Variants in MIEN1 observed in about 807,000 individuals in gnomAD.
MIEN1 encodes migration and invasion enhancer 1.
A neutral mutation model predicts 15.5 loss-of-function variants in MIEN1; 12 were observed. The ratio of observed to expected loss-of-function variants is 0.78; its 90% CI spans 0.50 to 1.26. The LOEUF (loss-of-function observed/expected upper bound fraction) is 1.26. Ranked by LOEUF, MIEN1 falls within the 50% of genes most tolerant of loss-of-function variation. The probability of loss-of-function intolerance (pLI) is 0.00; values close to 1 mark genes in which losing one functional copy is unlikely to be tolerated. For missense variants in MIEN1, 160 were observed against 151.7 expected (o/e 1.05, Z -0.29); for synonymous variants, 63 against 62.8 (o/e 1.00, Z -0.02).
In MIEN1 at chr17:39,729,442, CAG is replaced by C; in HGVS notation, c.*78_*79del. On this transcript the variant is annotated 3_prime_UTR_variant, in exon 4 of 4. Transcript: ENST00000394231. ...TAAGGAGCTAAGTAGGGGAAAGAGG[CAG>C]GGGGAGCTCCCAGCAGGACCAAAGG... 6.3e-7 allele frequency: 1 copy of C among 1,575,872 alleles called. No individual in the cohort carries two copies. The highest frequency in any genetic ancestry group is 8.7e-7 in the Non-Finnish European group (1 of 1,152,268).
Position 39,729,764 on chromosome 17 carries a change from G to T in MIEN1, c.188-3C>A, listed in dbSNP as rs966697101. The T allele has an allele frequency of 6.2e-7, 1 of 1,613,990 alleles. No homozygotes were observed. Among genetic ancestry groups the T allele is most frequent in the African/African-American group, 1.3e-5 (1 of 74,908 alleles). Reference sequence around the variant, plus strand: ...ATTTATCTCTATCTCAAAGGCACCTGGTAAGAAATCAACAGATAAATGGTA... The same window carrying T: ...ATTTATCTCTATCTCAAAGGCACCTTGTAAGAAATCAACAGATAAATGGTA... On this transcript the variant is annotated splice_polypyrimidine_tract_variant and splice_region_variant and intron_variant, in intron 2 of 3. Transcript: ENST00000394231.
At chr17:39,730,371 G>T in intron 1 of MIEN1, 36 bp downstream of exon 1, 1 of 1,554,930 alleles carries the variant, frequency 6.4e-7, no homozygotes, top group Non-Finnish European at 8.7e-7. Flanking sequence ...CGGCCCGCGG[G>T]ACCAGGGTGC....
rs2059925188 is a variant in MIEN1 at position 39,729,843 on chromosome 17, C to G, written c.188-82G>C. The G allele has an allele frequency of 2.9e-5, 45 of 1,555,172 alleles. No individual in the cohort carries two copies. The South Asian group carries it at 4.1e-4, about 14-fold the overall frequency. On this transcript the variant is annotated intron_variant, in intron 2 of 3. Transcript: ENST00000394231. ...TTCCTCCAAAGGGGTCCCCCGCCTT[C>G]AAGTCCCCCATCAATCCCACTGGAG...
At position 39,728,749 on chromosome 17, in the gene MIEN1, T is replaced by C. The variant is rs1272093281; in HGVS notation, c.*773A>G. On this transcript the variant is annotated 3_prime_UTR_variant, in exon 4 of 4. Coordinates refer to ENST00000394231, the MANE Select transcript of MIEN1 (RefSeq NM_032339.5). Reference sequence around the variant, plus strand: ...TTCCTCTTTTCCTGGAGGGAGTGGCTGGGAATCTTCAGAAAGCTTGGATGA... The same window carrying C: ...TTCCTCTTTTCCTGGAGGGAGTGGCCGGGAATCTTCAGAAAGCTTGGATGA... 4.6e-6 allele frequency: 1 copy of C among 217,166 alleles called. No homozygotes were observed. The highest frequency in any genetic ancestry group is 9.3e-6 in the Non-Finnish European group (1 of 107,994). The allele number at this position is 217,166 out of a possible 1,614,324, so 13.5% of individuals were successfully genotyped here. A position where few individuals can be genotyped will look rare whatever the true frequency, so the allele number is the denominator to read the frequency against.
rs925638020 is a variant in MIEN1 at position 39,729,254 on chromosome 17, C to T, written c.*268G>A. On this transcript the variant is annotated 3_prime_UTR_variant, in exon 4 of 4. Transcript: ENST00000394231. The stretch of plus-strand genomic sequence containing the variant: ...TGGCATCAGACAGGTATTACCGAGG[C>T]GAAGAGTGGACTGGGCTTTCGTGGG... 12 of 529,822 alleles carry T rather than the reference C, an allele frequency of 2.3e-5. No individual in the cohort carries two copies. Among genetic ancestry groups the T allele is most frequent in the Admixed American group, 1.7e-4 (5 of 30,042 alleles). The allele number at this position is 529,822 out of a possible 1,614,324, so 32.8% of individuals were successfully genotyped here.
intron 2 of MIEN1, 40 bp from the exon 3 acceptor site, chr17:39,729,801 T>A: frequency 3.7e-6 from 6 of 1,613,178 alleles, no homozygotes; most frequent in Non-Finnish European, 5.1e-6. Flanking sequence ...ACTGAGAACA[T>A]AGGCAGAAGT....
chr17:39,730,420 C>A lies in MIEN1; in HGVS notation c.76G>T (p.Val26Leu), dbSNP rs777009259. The change falls in exon 1 of 4, where the codon GTG becomes TTG. Residue 26 changes from valine (V) to leucine (L), a missense_variant. By Grantham distance (32) the Val-to-Leu change is conservative. Transcript: ENST00000394231. ...EVEPGSGVRIVVEYCEPCGFE... is the reference protein window; with the variant it reads ...EVEPGSGVRILVEYCEPCGFE... ...GGGGCCGCTCACCAGTACTCCACCA[C>A]GATGCGGACCCCACTGCCCGGCTCG... 11 of 1,553,488 alleles carry A rather than the reference C, an allele frequency of 7.1e-6. No homozygotes were observed. The South Asian group carries it at 7.1e-5, about 10-fold the overall frequency.
In MIEN1 at chr17:39,730,300, T is replaced by G. The variant is rs777112581; in HGVS notation, c.90-9A>C. 1 of 1,589,892 alleles carries G rather than the reference T, an allele frequency of 6.3e-7. No individual in the cohort carries two copies. The highest frequency in any genetic ancestry group is 1.7e-5 in the Admixed American group (1 of 58,354). ...CGAAGCCGCAGGGTTCACTGGGGAGTCAAGAGATGGGGCTGGGCTGGGGAT... is the reference window on the plus strand; with the variant it reads ...CGAAGCCGCAGGGTTCACTGGGGAGGCAAGAGATGGGGCTGGGCTGGGGAT... On this transcript the variant is annotated splice_polypyrimidine_tract_variant and intron_variant, in intron 1 of 3. Transcript: ENST00000394231.
In MIEN1 at chr17:39,729,564, T is replaced by C; in HGVS notation, c.306A>G (p.Leu102=). The part of the protein sequence containing the change: ...AIRRASNGET[L]EKITNSRPPC... Reference sequence around the variant, plus strand: ...GAGGACGGCTGTTGGTGATCTTTTCTAGGGTTTCTCCATTACTGGCTCTTC... The same window carrying C: ...GAGGACGGCTGTTGGTGATCTTTTCCAGGGTTTCTCCATTACTGGCTCTTC... The change falls in exon 4 of 4, where the codon CTA becomes CTG. Residue 102 remains leucine, a synonymous_variant. Transcript: ENST00000394231. 6.2e-7 allele frequency: 1 copy of C among 1,614,108 alleles called. No individual in the cohort carries two copies. Among genetic ancestry groups the C allele is most frequent in the South Asian group, 1.1e-5 (1 of 91,080 alleles).
rs986639691 is a variant in MIEN1 at position 39,729,479 on chromosome 17, G to C, written c.*43C>G. The C allele has an allele frequency of 6.2e-7, 1 of 1,612,050 alleles. No individual in the cohort carries two copies. The highest frequency in any genetic ancestry group is 1.3e-5 in the African/African-American group (1 of 74,964). ...CCAGCAGGACCAAAGGGAGACCAAGGTTTGGACCCCAGAACAGAGCAGGAA... is the reference window on the plus strand; with the variant it reads ...CCAGCAGGACCAAAGGGAGACCAAGCTTTGGACCCCAGAACAGAGCAGGAA... On this transcript the variant is annotated 3_prime_UTR_variant, in exon 4 of 4. Transcript: ENST00000394231.
intron 2 of MIEN1, 111 bp downstream of exon 2, chr17:39,730,083 G>T: frequency 9.6e-7 from 1 of 1,041,652 alleles, no homozygotes. Context: ...ATTTTACCAT[G>T]TGCCAGGCAC....
Position 39,729,480 on chromosome 17 carries a change from T to A in MIEN1, c.*42A>T. ...CAGCAGGACCAAAGGGAGACCAAGG[T>A]TTGGACCCCAGAACAGAGCAGGAAC... On this transcript the variant is annotated 3_prime_UTR_variant, in exon 4 of 4. Coordinates refer to ENST00000394231, the MANE Select transcript of MIEN1 (RefSeq NM_032339.5). The A allele has an allele frequency of 6.2e-7, 1 of 1,611,800 alleles. No individual in the cohort carries two copies. The highest frequency in any genetic ancestry group is 8.5e-7 in the Non-Finnish European group (1 of 1,179,644).
intron 2 of MIEN1, 74 bp downstream of exon 2, chr17:39,730,120 A>G (rs963783466): frequency 9.3e-6 from 13 of 1,401,650 alleles, no homozygotes; most frequent in Non-Finnish European, 1.3e-5. Context: ...AAAGCAGCCA[A>G]TGTCAGAACT....
intron 2 of MIEN1, 171 bp from the exon 3 acceptor site, chr17:39,729,932 G>A: frequency 2.4e-6 from 2 of 839,102 alleles, no homozygotes; most frequent in Admixed American, 5.1e-5. Context: ...CCTGAGGGAG[G>A]CCTCGCCTGT....
At position 39,730,505 on chromosome 17, in the gene MIEN1, C is replaced by T. The variant is rs777583932; in HGVS notation, c.-10G>A. On this transcript the variant is annotated 5_prime_UTR_variant, in exon 1 of 4. Transcript: ENST00000394231. ...CCGGCTCCCCGCTCATCGCGGCCGGCTCCGCTCGGGCCCCTGCTTCCGGGT... is the reference window on the plus strand; with the variant it reads ...CCGGCTCCCCGCTCATCGCGGCCGGTTCCGCTCGGGCCCCTGCTTCCGGGT... 3 of 1,529,670 alleles carry T rather than the reference C, an allele frequency of 2.0e-6. No homozygotes were observed. Among genetic ancestry groups the T allele is most frequent in the African/African-American group, 2.8e-5 (2 of 71,328 alleles). 94.8% of individuals were successfully genotyped at this position (1,529,670 alleles called of 1,614,324 possible). A position where few individuals can be genotyped will look rare whatever the true frequency, so the allele number is the denominator to read the frequency against.
At chr17:39,729,870 C>A in intron 2 of MIEN1, 109 bp from the exon 3 acceptor site, 1 of 1,407,662 alleles carries the variant, frequency 7.1e-7, no homozygotes, top group Non-Finnish European at 9.8e-7. Context: ...CCACTGGAGA[C>A]CCATTTGTAG....
In MIEN1 at chr17:39,730,408, A is replaced by G; in HGVS notation, c.88T>C (p.Cys30Arg). The change falls in exon 1 of 4, where the codon TGT becomes CGT. Residue 30 changes from cysteine to arginine, a missense_variant and splice_region_variant. Physicochemically the swap from Cys to Arg is radical, Grantham distance 180. Transcript: ENST00000394231. Reference sequence around the variant, plus strand: ...GGTCCTCCAGCCGGGGCCGCTCACCAGTACTCCACCACGATGCGGACCCCA... The same window carrying G: ...GGTCCTCCAGCCGGGGCCGCTCACCGGTACTCCACCACGATGCGGACCCCA... ...GSGVRIVVEY[C>R]EPCGFEATYL... 6.4e-7 allele frequency: 1 copy of G among 1,554,196 alleles called. No homozygotes were observed. The highest frequency in any genetic ancestry group is 8.7e-7 in the Non-Finnish European group (1 of 1,150,070).
intron 2 of MIEN1, 127 bp from the exon 3 acceptor site, chr17:39,729,888 A>G: frequency 8.0e-7 from 1 of 1,251,354 alleles, no homozygotes; most frequent in Non-Finnish European, 1.1e-6. Flanking sequence ...TAGCTCCTTA[A>G]GCAATTCCCC....
Position 39,729,400 on chromosome 17 carries a change from G to C in MIEN1, c.*122C>G. The C allele has an allele frequency of 8.0e-7, 1 of 1,254,826 alleles. No individual in the cohort carries two copies. Among genetic ancestry groups the C allele is most frequent in the Non-Finnish European group, 1.1e-6 (1 of 885,494 alleles). 77.7% of individuals were successfully genotyped at this position (1,254,826 alleles called of 1,614,324 possible). A position where few individuals can be genotyped will look rare whatever the true frequency, so the allele number is the denominator to read the frequency against. On this transcript the variant is annotated 3_prime_UTR_variant, in exon 4 of 4. Coordinates refer to ENST00000394231, the MANE Select transcript of MIEN1 (RefSeq NM_032339.5). ...CTTTGTACCCAAAGGGCAAAGTGGA[G>C]GCCAGGGTCTCTTTGCTAAGGAGCT...
Sources: allele counts gnomAD v4.1 joint callset, GRCh38; gene constraint gnomAD v4.1.1; transcripts MANE v1.5; gene names NCBI Gene and HGNC (gene_info 2026-07-23, HGNC 2026-07-21).